Variants in GRIN2A observed in about 807,000 individuals in gnomAD.
GRIN2A encodes the protein glutamate ionotropic receptor NMDA type subunit 2A.
GRIN2A carries 22 observed loss-of-function variants against 113.4 expected under a neutral mutation model. That is an observed-to-expected ratio of 0.19 (90% CI 0.14 to 0.28). GRIN2A has a LOEUF of 0.28. GRIN2A is among the 10% of genes least tolerant of loss of function. GRIN2A has a pLI of 1.00. For missense variants in GRIN2A, 1,502 were observed against 1,887.0 expected (o/e 0.80, Z 3.78); for synonymous variants, 827 against 738.4 (o/e 1.12, Z -1.94).
At chr16:10,069,273 G>A (rs2047707457) in intron 2 of GRIN2A, among the ~76,000 whole-genome samples, 1 of 152,314 alleles carries the variant, frequency 6.6e-6, no homozygotes, top group Non-Finnish European at 1.5e-5. Flanking sequence ...TACATTTGAA[G>A]GAGAATAATT....
chr16:9,931,175 C>G (rs544557516), intron 3 of GRIN2A, among the ~76,000 whole-genome samples: 1 of 152,004 alleles, frequency 6.6e-6, no homozygotes, highest in South Asian at 2.1e-4. Context: ...GTCCTACTTC[C>G]CTAACTAAAA....
intron 2 of GRIN2A, among the ~76,000 whole-genome samples, chr16:10,085,599 G>T (rs1418742917): frequency 6.6e-6 from 1 of 152,184 alleles, no homozygotes; most frequent in Non-Finnish European, 1.5e-5. Flanking sequence ...ATGTTGCTTG[G>T]TTGGCCGTGT....
At chr16:9,918,926 G>A (rs765271967) in intron 3 of GRIN2A, among the ~76,000 whole-genome samples, 5 of 151,806 alleles carry the variant, frequency 3.3e-5, no homozygotes, top group African/African-American at 7.3e-5. Context: ...TAATCCCAGC[G>A]TTTTGGGAAG....
intron 2 of GRIN2A, among the ~76,000 whole-genome samples, chr16:10,057,953 A>G (rs1476032918): frequency 6.6e-6 from 1 of 152,158 alleles, no homozygotes; most frequent in Non-Finnish European, 1.5e-5. Context: ...GAGCTGTCAA[A>G]TAAGTAAAAT....
chr16:9,926,991 G>C (rs2044480292), intron 3 of GRIN2A, among the ~76,000 whole-genome samples: 1 of 151,586 alleles, frequency 6.6e-6, no homozygotes, highest in Non-Finnish European at 1.5e-5. Flanking sequence ...GTAACGTGGG[G>C]TTTGGAACCA....
At chr16:9,954,992 G>C (rs567498260) in intron 2 of GRIN2A, among the ~76,000 whole-genome samples, 2 of 152,088 alleles carry the variant, frequency 1.3e-5, no homozygotes, top group East Asian at 3.9e-4. Flanking sequence ...CCATCACCTG[G>C]GATCAGACTG....
intron 4 of GRIN2A, among the ~76,000 whole-genome samples, chr16:9,866,346 A>G (rs1476727800): frequency 1.3e-5 from 2 of 152,222 alleles, no homozygotes; most frequent in African/African-American, 4.8e-5. Context: ...AGGGATGTGT[A>G]GGATCAGAGA....
At chr16:9,910,371 T>C (rs2044109598) in intron 3 of GRIN2A, among the ~76,000 whole-genome samples, 1 of 151,980 alleles carries the variant, frequency 6.6e-6, no homozygotes, top group South Asian at 2.1e-4. Flanking sequence ...GTTTTCTGTA[T>C]TTTTCCACAA....
At chr16:10,054,605 T>C (rs528744497) in intron 2 of GRIN2A, among the ~76,000 whole-genome samples, 1 of 152,240 alleles carries the variant, frequency 6.6e-6, no homozygotes, top group Admixed American at 6.5e-5. Flanking sequence ...GTTGATTTAA[T>C]GACAAAGTGC....
At chr16:10,066,224 T>G (rs1477527572) in intron 2 of GRIN2A, among the ~76,000 whole-genome samples, 3 of 152,166 alleles carry the variant, frequency 2.0e-5, no homozygotes, top group South Asian at 4.1e-4. Context: ...TCTCTGTGCC[T>G]CTCAGGGGCC....
chr16:9,900,447 G>A (rs1312481225), intron 3 of GRIN2A, among the ~76,000 whole-genome samples: 1 of 152,204 alleles, frequency 6.6e-6, no homozygotes, highest in Non-Finnish European at 1.5e-5. Context: ...CCTATATGCT[G>A]TCTTTTGTAA....
At chr16:10,058,708 G>T (rs962107099) in intron 2 of GRIN2A, among the ~76,000 whole-genome samples, 1 of 152,186 alleles carries the variant, frequency 6.6e-6, no homozygotes, top group Admixed American at 6.5e-5. Context: ...CCGTTTATGT[G>T]ATTTATATGT....
chr16:10,071,397 T>G (rs1469223680), intron 2 of GRIN2A, among the ~76,000 whole-genome samples: 1 of 152,144 alleles, frequency 6.6e-6, no homozygotes, highest in Non-Finnish European at 1.5e-5. Context: ...ACTGCAATAA[T>G]AGAGTCAAGG....
At chr16:9,816,073 A>C (rs1702562838) in intron 10 of GRIN2A, among the ~76,000 whole-genome samples, 1 of 152,258 alleles carries the variant, frequency 6.6e-6, no homozygotes, top group South Asian at 2.1e-4. Flanking sequence ...TCATAAAGAC[A>C]AAAAGTAGAA....
intron 10 of GRIN2A, among the ~76,000 whole-genome samples, chr16:9,819,241 T>C (rs951118010): frequency 6.6e-6 from 1 of 152,164 alleles, no homozygotes; most frequent in Admixed American, 6.5e-5. Flanking sequence ...TAATTTAGGC[T>C]GGGCATAGTG....
chr16:9,968,159 C>T (rs775562568), intron 2 of GRIN2A, among the ~76,000 whole-genome samples: 1 of 152,038 alleles, frequency 6.6e-6, no homozygotes, highest in Non-Finnish European at 1.5e-5. Flanking sequence ...AGTTAATCTC[C>T]CCGACACTCC....
At chr16:9,833,371 A>G (rs1328655672) in intron 8 of GRIN2A, among the ~76,000 whole-genome samples, 2 of 152,222 alleles carry the variant, frequency 1.3e-5, no homozygotes, top group Non-Finnish European at 2.9e-5. Context: ...AGTTATATTT[A>G]TTGTCAAACT....
At chr16:9,832,932 C>G (rs1158476801) in intron 8 of GRIN2A, among the ~76,000 whole-genome samples, 1 of 152,152 alleles carries the variant, frequency 6.6e-6, no homozygotes, top group African/African-American at 2.4e-5. Context: ...TAATAGATTC[C>G]CATGACCTGT....
intron 2 of GRIN2A, among the ~76,000 whole-genome samples, chr16:9,994,880 C>A (rs1472611862): frequency 6.6e-6 from 1 of 152,128 alleles, no homozygotes; most frequent in East Asian, 1.9e-4. Context: ...GGTGAATAAG[C>A]AAACAAACAT....
Sources: allele counts gnomAD v4.1 joint callset (sites outside exome capture counted in the v4.1 genomes callset), GRCh38; gene constraint gnomAD v4.1.1; transcripts MANE v1.5; gene names NCBI Gene and HGNC (gene_info 2026-07-23, HGNC 2026-07-21).